CFAP92: variants seen among roughly 807,000 people sequenced by gnomAD.
CFAP92 encodes the protein cilia and flagella associated protein 92 (putative), also known as uncharacterized protein CFAP92.
In CFAP92, 86 loss-of-function variants were observed where a neutral mutation model predicts 106.3. That is an observed-to-expected ratio of 0.81 (90% confidence interval 0.68 to 0.97). The LOEUF is 0.97. CFAP92 is among the 50% of genes least tolerant of loss of function. CFAP92 has a pLI of 0.00. For missense variants in CFAP92, 1,204 were observed against 1,283.8 expected, an observed-to-expected ratio of 0.94 and a Z score of 0.95; for synonymous variants, 477 against 506.4, an observed-to-expected ratio of 0.94 and a Z score of 0.78.
At chr3:128,967,140 A>G (rs575725113) in intron 8 of CFAP92, 2 of 151,790 alleles carry the variant, frequency 1.3e-5, no homozygotes, top group South Asian at 4.1e-4. Flanking sequence ...CAAAAAGATC[A>G]GTCTATTCCT....
chr3:128,979,272 C>T (rs1294103369), intron 4 of CFAP92, among the ~76,000 whole-genome samples: 4 of 152,074 alleles, frequency 2.6e-5, no homozygotes, highest in East Asian at 1.9e-4. Context: ...GTTAGAATGG[C>T]GATCATTAAA....
At chr3:128,912,754 T>C (rs1936486895) in intron 15 of CFAP92, 3 of 798,136 alleles carry the variant, frequency 3.8e-6, no homozygotes, top group Non-Finnish European at 6.6e-6. Context: ...TCGCCTGGCC[T>C]GGGAGAGCCT....
At chr3:128,978,902 C>G (rs531501688) in intron 4 of CFAP92, among the ~76,000 whole-genome samples, 1 of 152,292 alleles carries the variant, frequency 6.6e-6, no homozygotes, top group South Asian at 2.1e-4. Flanking sequence ...TGGGCAAGGA[C>G]TTCATGTCTA....
At chr3:128,917,539 A>G (rs934210509) in intron 12 of CFAP92, among the ~76,000 whole-genome samples, 4 of 152,228 alleles carry the variant, frequency 2.6e-5, no homozygotes, top group African/African-American at 9.7e-5. Flanking sequence ...TGGAGAAGTA[A>G]ATACAGTATT....
chr3:128,938,318 G>A lies in CFAP92; in HGVS notation c.2259-2999C>T, dbSNP rs543977845. On this transcript the variant is annotated intron_variant, in intron 10 of 15. Coordinates refer to ENST00000645291, the MANE Select transcript of CFAP92 (RefSeq NM_001394090.1). Reference sequence around the variant, plus strand: ...ACGGGCTTGGTCTACCTAGACTAGAGTTGATTTTCATGAATTGTGTGAGCC... The same window carrying A: ...ACGGGCTTGGTCTACCTAGACTAGAATTGATTTTCATGAATTGTGTGAGCC... Among the ~76,000 whole-genome samples the A allele has an allele frequency of 1.9e-4, 29 of 152,172 alleles. No homozygotes were observed. The South Asian group carries it at 5.8e-3, about 30-fold the overall frequency.
intron 2 of CFAP92, among the ~76,000 whole-genome samples, chr3:128,991,044 A>G (rs1333423827): frequency 6.6e-6 from 1 of 152,202 alleles, no homozygotes; most frequent in Non-Finnish European, 1.5e-5. Context: ...ATAAAAAAAT[A>G]CTCTTAGGCA....
chr3:129,002,137 T>A (rs1944808168), intron 1 of CFAP92: 2 of 1,474,954 alleles, frequency 1.4e-6, no homozygotes, highest in Non-Finnish European at 1.8e-6. Context: ...AGCGAGCACA[T>A]CGAGACGCAG....
intron 4 of CFAP92, among the ~76,000 whole-genome samples, chr3:128,984,126 CT>C (rs1031908419): frequency 3.3e-5 from 5 of 152,102 alleles, no homozygotes; most frequent in Admixed American, 3.3e-4. Context: ...GACTGGGGGG[CT>C]TTGAAAAGAA....
the CFAP92 span, among the ~76,000 whole-genome samples, chr3:129,015,021 A>T: frequency 2.6e-5 from 4 of 152,132 alleles, no homozygotes; most frequent in East Asian, 7.7e-4. Flanking sequence ...TAGCCTCCTG[A>T]CTGGTGTCCC....
Position 128,932,692 on chromosome 3 carries a change from C to A in CFAP92, c.2751+8G>T. 6.6e-7 allele frequency: 1 copy of A among 1,524,742 alleles called. No individual in the cohort carries two copies. The highest frequency in any genetic ancestry group is 8.8e-7 in the Non-Finnish European group (1 of 1,140,920). 94.5% of individuals were successfully genotyped at this position (1,524,742 alleles called of 1,614,324 possible). On this transcript the variant is annotated splice_region_variant and intron_variant, in intron 12 of 15. Transcript: ENST00000645291. ...GGGAACCCCAAGTTGGGGAGGAAGG[C>A]GGCCCACCTGGATGAAACTGTGCTT...
intron 9 of CFAP92, among the ~76,000 whole-genome samples, chr3:128,953,663 G>A (rs1369003882): frequency 3.4e-5 from 4 of 119,358 alleles, no homozygotes; most frequent in African/African-American, 7.4e-5. Context: ...CCTCTCATGC[G>A]GAGCCGAAGC....
chr3:129,013,458 A>G, the CFAP92 span, among the ~76,000 whole-genome samples: 2 of 152,164 alleles, frequency 1.3e-5, no homozygotes, highest in African/African-American at 2.4e-5. Flanking sequence ...GCTACCTGGA[A>G]TCTCTTTCTT....
At chr3:129,001,516 C>T in intron 1 of CFAP92, 2 of 1,327,960 alleles carry the variant, frequency 1.5e-6, no homozygotes. Context: ...GCCGCTCCAA[C>T]CAGACCGCGA....
Position 128,965,706 on chromosome 3 carries a change from T to C in CFAP92, c.1169-11A>G. The C allele has an allele frequency of 5.0e-6, 2 of 397,552 alleles. No homozygotes were observed. Among genetic ancestry groups the C allele is most frequent in the Middle Eastern group, 6.3e-4 (1 of 1,586 alleles). 24.6% of individuals were successfully genotyped at this position (397,552 alleles called of 1,614,324 possible). On this transcript the variant is annotated splice_polypyrimidine_tract_variant and intron_variant, in intron 8 of 15. Transcript: ENST00000645291. ...CGACAGTTTGCCATCCTGGGGGAAATACACCCAGCATTAGACCTTTCCTCC... is the reference window on the plus strand; with the variant it reads ...CGACAGTTTGCCATCCTGGGGGAAACACACCCAGCATTAGACCTTTCCTCC...
At chr3:129,026,685 AT>A in the CFAP92 span, among the ~76,000 whole-genome samples, 1 of 152,110 alleles carries the variant, frequency 6.6e-6, no homozygotes, top group Non-Finnish European at 1.5e-5. Flanking sequence ...CAGTGACCTT[AT>A]TCCCTTGTGT....
intron 10 of CFAP92, among the ~76,000 whole-genome samples, chr3:128,935,986 CAG>C (rs1372201662): frequency 6.6e-6 from 1 of 152,252 alleles, no homozygotes; most frequent in Non-Finnish European, 1.5e-5. Flanking sequence ...GGGACCTTGA[CAG>C]AGAGCTGGCA....
chr3:128,997,718 G>A (rs933634912), upstream of CFAP92, among the ~76,000 whole-genome samples: 6 of 152,108 alleles, frequency 3.9e-5, no homozygotes, highest in African/African-American at 1.4e-4. Context: ...TCAGTTAATG[G>A]GCATTTGGCT....
chr3:128,985,007 T>C (rs1339959071), intron 4 of CFAP92, among the ~76,000 whole-genome samples: 2 of 152,232 alleles, frequency 1.3e-5, no homozygotes, highest in East Asian at 3.8e-4. Context: ...ACAGGAATCA[T>C]GTGGTTTTAA....
At chr3:128,943,075 AC>A (rs1939822327) in intron 10 of CFAP92, among the ~76,000 whole-genome samples, 2 of 148,698 alleles carry the variant, frequency 1.3e-5, no homozygotes, top group African/African-American at 2.6e-5. Flanking sequence ...ACACGCCACC[AC>A]AGCCTGGCTC....
Sources: gnomAD v4.1 joint callset for allele counts (sites outside exome capture counted in the v4.1 genomes callset) on GRCh38, gnomAD v4.1.1 for gene constraint, MANE v1.5 for transcripts, NCBI Gene and HGNC (gene_info 2026-07-23, HGNC 2026-07-21) for gene names.